MTMR6: variants seen among roughly 807,000 people sequenced by gnomAD.
MTMR6 encodes the protein phosphatidylinositol-3,5-bisphosphate 3-phosphatase MTMR6.
In MTMR6, 47 loss-of-function variants were observed where a neutral mutation model predicts 80.1. The ratio of observed to expected loss-of-function variants is 0.59; its 90% CI spans 0.46 to 0.75. The LOEUF is 0.75. Among genes scored for constraint, MTMR6 ranks in the 30% least tolerant of loss-of-function variants. The pLI is 0.00. For synonymous variants in MTMR6, 254 were observed against 253.0 expected (o/e 1.00, Z -0.04); for missense variants, 629 against 730.9 (o/e 0.86, Z 1.61).
At chr13:25,250,904 A>C (rs187943927) in intron 13 of MTMR6, among the ~76,000 whole-genome samples, 1 of 152,248 alleles carries the variant, frequency 6.6e-6, no homozygotes, top group East Asian at 1.9e-4. Context: ...TTCAATACAC[A>C]GTAAAAATAT....
At position 25,248,366 on chromosome 13, in the gene MTMR6, A is replaced by C. The variant is rs1957022772; in HGVS notation, c.*866T>G. The stretch of plus-strand genomic sequence containing the variant: ...AGCTCTTTAAACTTACACAGTTGTG[A>C]AAGAAATAAAGCCAACCACAAAATA... On this transcript the variant is annotated 3_prime_UTR_variant, in exon 14 of 14. Transcript: ENST00000381801. 6.6e-6 allele frequency: 1 copy of C among 152,190 alleles called. No individual in the cohort carries two copies. The highest frequency in any genetic ancestry group is 1.5e-5 in the Non-Finnish European group (1 of 68,004). The allele number at this position is 152,190 out of a possible 1,614,324, so 9.4% of individuals were successfully genotyped here.
intron 3 of MTMR6, among the ~76,000 whole-genome samples, chr13:25,266,969 T>C (rs1023794598): frequency 2.6e-5 from 4 of 152,104 alleles, no homozygotes; most frequent in African/African-American, 9.7e-5. Flanking sequence ...AGCGATAAGA[T>C]TCTTCTTTAG....
chr13:25,249,622 A>G (rs1326749184), intron 13 of MTMR6, 130 bp from the exon 14 acceptor site: 1 of 939,858 alleles, frequency 1.1e-6, no homozygotes, highest in African/African-American at 1.7e-5. Flanking sequence ...TCAAAAAAGT[A>G]GAAACATTTA....
chr13:25,256,080 C>A (rs1566035756), intron 9 of MTMR6, among the ~76,000 whole-genome samples: 1 of 152,140 alleles, frequency 6.6e-6, no homozygotes, highest in African/African-American at 2.4e-5. Flanking sequence ...GAGGGGAAAG[C>A]CCCATTCCAG....
intron 5 of MTMR6, among the ~76,000 whole-genome samples, chr13:25,262,714 T>C (rs1957367211): frequency 6.6e-6 from 1 of 152,254 alleles, no homozygotes; most frequent in South Asian, 2.1e-4. Flanking sequence ...TTTAGATCCA[T>C]ATACTTTTTC....
At chr13:25,255,977 C>G (rs1957199338) in intron 9 of MTMR6, among the ~76,000 whole-genome samples, 1 of 152,220 alleles carries the variant, frequency 6.6e-6, no homozygotes, top group Admixed American at 6.5e-5. Flanking sequence ...CTCCCTTTGG[C>G]CTTCAAGATA....
Position 25,247,932 on chromosome 13 carries a change from G to A in MTMR6, c.*1300C>T, listed in dbSNP as rs1273263009. On this transcript the variant is annotated 3_prime_UTR_variant, in exon 14 of 14. Transcript: ENST00000381801. The stretch of plus-strand genomic sequence containing the variant: ...ATTTTAAAGCCAGTTGGGTGATATT[G>A]CTAATTCCAAGTGATAGTTTTGGGG... 1 of 152,034 alleles carries A rather than the reference G, an allele frequency of 6.6e-6. No individual in the cohort carries two copies. The highest frequency in any genetic ancestry group is 1.5e-5 in the Non-Finnish European group (1 of 67,934). 9.4% of individuals were successfully genotyped at this position (152,034 alleles called of 1,614,324 possible).
intron 13 of MTMR6, among the ~76,000 whole-genome samples, chr13:25,249,780 C>T: frequency 6.6e-6 from 1 of 152,090 alleles, no homozygotes; most frequent in East Asian, 1.9e-4. Context: ...ACATATATTA[C>T]CTAGAAAGCA....
chr13:25,252,815 T>C (rs17082046), intron 11 of MTMR6, among the ~76,000 whole-genome samples: 6,598 of 152,272 alleles, frequency 0.043, 484 homozygotes, highest in African/African-American at 0.15. Context: ...CAATGTTCTT[T>C]GATTGTTCAT....
intron 2 of MTMR6, among the ~76,000 whole-genome samples, chr13:25,272,066 G>C (rs1424647875): frequency 6.6e-6 from 1 of 152,150 alleles, no homozygotes; most frequent in Non-Finnish European, 1.5e-5. Context: ...TGGTACTAAA[G>C]ACGAATGGAA....
At chr13:25,275,445 C>G (rs4272884) in intron 1 of MTMR6, among the ~76,000 whole-genome samples, 27 of 151,868 alleles carry the variant, frequency 1.8e-4, no homozygotes, top group Admixed American at 1.8e-3. Context: ...AACAAACAAA[C>G]AAAAGTTAAT....
At position 25,247,076 on chromosome 13, in the gene MTMR6, C is replaced by A. The variant is rs888393488; in HGVS notation, c.*2156G>T. On this transcript the variant is annotated 3_prime_UTR_variant, in exon 14 of 14. Transcript: ENST00000381801. The stretch of plus-strand genomic sequence containing the variant: ...CTGATGGGCCTTTTAGCCCACTATA[C>A]CTATTTTAAATATTCTGGAAATTAT... The A allele has an allele frequency of 2.0e-5, 3 of 152,126 alleles. No individual in the cohort carries two copies. The highest frequency in any genetic ancestry group is 4.8e-5 in the African/African-American group (2 of 41,438). The allele number at this position is 152,126 out of a possible 1,614,324, so 9.4% of individuals were successfully genotyped here. A position where few individuals can be genotyped will look rare whatever the true frequency, so the allele number is the denominator to read the frequency against.
At chr13:25,286,626 T>A (rs1957958257) in intron 1 of MTMR6, among the ~76,000 whole-genome samples, 1 of 152,216 alleles carries the variant, frequency 6.6e-6, no homozygotes, top group Non-Finnish European at 1.5e-5. Context: ...AAATATGGAA[T>A]AACATTTTTC....
chr13:25,270,899 T>C (rs1316253580), intron 2 of MTMR6, among the ~76,000 whole-genome samples: 2 of 152,190 alleles, frequency 1.3e-5, no homozygotes, highest in African/African-American at 2.4e-5. Flanking sequence ...ACCTCTAATC[T>C]TGATTCAACT....
In MTMR6 at chr13:25,248,969, AGTGTACAGTGCAAATT is replaced by A; in HGVS notation, c.*247_*262del. 1 of 417,996 alleles carries A rather than the reference AGTGTACAGTGCAAATT, an allele frequency of 2.4e-6. No individual in the cohort carries two copies. The highest frequency in any genetic ancestry group is 4.3e-6 in the Non-Finnish European group (1 of 233,410). The allele number at this position is 417,996 out of a possible 1,614,324, so 25.9% of individuals were successfully genotyped here. A position where few individuals can be genotyped will look rare whatever the true frequency, so the allele number is the denominator to read the frequency against. On this transcript the variant is annotated 3_prime_UTR_variant, in exon 14 of 14. Coordinates refer to ENST00000381801, the MANE Select transcript of MTMR6 (RefSeq NM_004685.5). ...CATAAATCATAAACGTCAATTCACT[AGTGTACAGTGCAAATT>A]GTGTTTTGAGTAAATACATCAAATA... is the stretch of plus-strand genomic sequence containing the variant.
Position 25,271,108 on chromosome 13 carries a change from C to G in MTMR6, c.141+2963G>C, listed in dbSNP as rs141965925. On this transcript the variant is annotated intron_variant, in intron 2 of 13. Transcript: ENST00000381801. ...ACTGTTGGTCTGCCATTCCTCCCCC[C>G]CTTCCTTACTTGCAACATCCTTTTC... Among the ~76,000 whole-genome samples, 11 of 152,102 alleles carry G rather than the reference C, an allele frequency of 7.2e-5. 1 individual carries two copies. The South Asian group carries it at 1.2e-3, about 17-fold the overall frequency.
In MTMR6 at chr13:25,248,646, T is replaced by A. The variant is rs568774277; in HGVS notation, c.*586A>T. The A allele has an allele frequency of 6.6e-4, 101 of 152,862 alleles. No individual in the cohort carries two copies. Among genetic ancestry groups the A allele is most frequent in the South Asian group, 2.1e-3 (10 of 4,824 alleles). The allele number at this position is 152,862 out of a possible 1,614,324, so 9.5% of individuals were successfully genotyped here. ...ACCCCCAGCAGTAATGAGAGCACAATTCTTTACAAACAAAACAAGGCTGAC... is the reference window on the plus strand; with the variant it reads ...ACCCCCAGCAGTAATGAGAGCACAAATCTTTACAAACAAAACAAGGCTGAC... On this transcript the variant is annotated 3_prime_UTR_variant, in exon 14 of 14. Transcript: ENST00000381801.
chr13:25,285,052 G>T (rs528062871), intron 1 of MTMR6, among the ~76,000 whole-genome samples: 2 of 152,198 alleles, frequency 1.3e-5, no homozygotes, highest in South Asian at 4.1e-4. Context: ...TCTCTAAAAA[G>T]GCCTTATTAA....
intron 1 of MTMR6, 109 bp downstream of exon 1, chr13:25,287,115 C>T: frequency 2.7e-6 from 4 of 1,478,856 alleles, no homozygotes; most frequent in Admixed American, 2.0e-5. Flanking sequence ...GCCGGGTCTC[C>T]GCCGGGCCGG....
Sources: gnomAD v4.1 joint callset for allele counts (sites outside exome capture counted in the v4.1 genomes callset) on GRCh38, gnomAD v4.1.1 for gene constraint, MANE v1.5 for transcripts, NCBI Gene and HGNC (gene_info 2026-07-23, HGNC 2026-07-21) for gene names.